Variants in EXOC6B observed in about 807,000 individuals in gnomAD.
EXOC6B encodes the protein SEC15 homolog B.
Under a neutral mutation model 113.5 loss-of-function variants are expected in EXOC6B, and 54 were observed. The ratio of observed to expected loss-of-function variants is 0.48; its 90% confidence interval spans 0.38 to 0.60. The LOEUF (loss-of-function observed/expected upper bound fraction) is 0.60. EXOC6B is among the 20% of genes least tolerant of loss of function. The pLI is 0.00. For synonymous variants in EXOC6B, 357 were observed against 339.0 expected, an observed-to-expected ratio of 1.05 and a Z score of -0.58; for missense variants, 797 against 977.5, an observed-to-expected ratio of 0.82 and a Z score of 2.46.
At chr2:72,406,899 A>G (rs1216933551) in intron 18 of EXOC6B, among the ~76,000 whole-genome samples, 1 of 152,236 alleles carries the variant, frequency 6.6e-6, no homozygotes, top group Admixed American at 6.5e-5. Flanking sequence ...CCCTTCAAAA[A>G]ATCAATGAAT....
chr2:72,488,869 C>T (rs1699578517), intron 16 of EXOC6B, among the ~76,000 whole-genome samples: 1 of 152,146 alleles, frequency 6.6e-6, no homozygotes, highest in South Asian at 2.1e-4. Flanking sequence ...CAAAATCCTA[C>T]AATAGCTCCC....
intron 8 of EXOC6B, among the ~76,000 whole-genome samples, chr2:72,534,005 C>T (rs1279821181): frequency 6.6e-6 from 1 of 152,070 alleles, no homozygotes; most frequent in African/African-American, 2.4e-5. Context: ...AACCTCAATT[C>T]CCTAAACCAT....
intron 20 of EXOC6B, among the ~76,000 whole-genome samples, chr2:72,272,264 A>C (rs1684538999): frequency 6.6e-6 from 1 of 152,150 alleles, no homozygotes; most frequent in African/African-American, 2.4e-5. Flanking sequence ...TCTAATTTGC[A>C]AAGATGTATT....
At chr2:72,623,291 C>A (rs1671857548) in intron 6 of EXOC6B, among the ~76,000 whole-genome samples, 1 of 152,130 alleles carries the variant, frequency 6.6e-6, no homozygotes, top group Non-Finnish European at 1.5e-5. Flanking sequence ...CATATCTATA[C>A]CTCTAACCTA....
At chr2:72,625,462 G>T (rs1446895) in intron 6 of EXOC6B, among the ~76,000 whole-genome samples, 24 of 152,154 alleles carry the variant, frequency 1.6e-4, no homozygotes, top group African/African-American at 5.3e-4. Context: ...ACACAAAATT[G>T]ATTGCCAGAC....
intron 6 of EXOC6B, among the ~76,000 whole-genome samples, chr2:72,581,275 A>T (rs1705204952): frequency 6.6e-6 from 1 of 152,208 alleles, no homozygotes; most frequent in Non-Finnish European, 1.5e-5. Context: ...TCTGGACTAC[A>T]TCTTTCTTTG....
chr2:72,442,557 A>T (rs1230566951), intron 18 of EXOC6B, among the ~76,000 whole-genome samples: 4 of 152,192 alleles, frequency 2.6e-5, no homozygotes, highest in African/African-American at 9.7e-5. Context: ...AGGATACAAA[A>T]TCAATGTATA....
At chr2:72,206,678 G>A (rs1333882322) in intron 20 of EXOC6B, among the ~76,000 whole-genome samples, 5 of 152,104 alleles carry the variant, frequency 3.3e-5, no homozygotes, top group Non-Finnish European at 7.4e-5. Flanking sequence ...TCAACATACT[G>A]TGACTAAACT....
chr2:72,204,452 G>A (rs1372675270), intron 20 of EXOC6B, among the ~76,000 whole-genome samples: 1 of 151,996 alleles, frequency 6.6e-6, no homozygotes, highest in Non-Finnish European at 1.5e-5. Context: ...ACTGTTTACA[G>A]TTGGCCAGGC....
chr2:72,568,296 A>T (rs1390307469), intron 7 of EXOC6B, among the ~76,000 whole-genome samples: 1 of 152,010 alleles, frequency 6.6e-6, no homozygotes, highest in African/African-American at 2.4e-5. Flanking sequence ...GAAGGAAAAA[A>T]ATCTGCTAGA....
At position 72,379,736 on chromosome 2, in the gene EXOC6B, T is replaced by C; in HGVS notation, c.2115A>G (p.Glu705=). The C allele has an allele frequency of 6.2e-7, 1 of 1,610,748 alleles. No homozygotes were observed. The change falls in exon 19 of 22, where the codon GAA becomes GAG. Residue 705 remains glutamate, a synonymous_variant. Coordinates refer to ENST00000272427, the MANE Select transcript of EXOC6B (RefSeq NM_015189.3). ...ALQQFNLDVR[E]CEQFARSGPV... is the part of the protein sequence containing the mutation. ...GGATGGTCACTGTCTTACGTTCACATTCTCTGACGTCCAAGTTGAACTGCT... is the reference window on the plus strand; with the variant it reads ...GGATGGTCACTGTCTTACGTTCACACTCTCTGACGTCCAAGTTGAACTGCT...
At chr2:72,524,572 TA>T (rs201268505) in intron 8 of EXOC6B, among the ~76,000 whole-genome samples, 1,864 of 152,194 alleles carry the variant, frequency 0.012, 38 homozygotes, top group African/African-American at 0.041. Flanking sequence ...AATAAAAGTT[TA>T]AAAAAACTTA....
At chr2:72,311,966 C>A (rs1437149142) in intron 20 of EXOC6B, among the ~76,000 whole-genome samples, 1 of 152,184 alleles carries the variant, frequency 6.6e-6, no homozygotes, top group Non-Finnish European at 1.5e-5. Flanking sequence ...TATTAAAGCT[C>A]TTTTGCCAAG....
intron 1 of EXOC6B, among the ~76,000 whole-genome samples, chr2:72,768,551 C>T (rs976596748): frequency 5.3e-5 from 8 of 151,658 alleles, no homozygotes; most frequent in African/African-American, 1.7e-4. Context: ...GTGATCCCCC[C>T]GCCTTGGCCT....
intron 18 of EXOC6B, among the ~76,000 whole-genome samples, chr2:72,386,381 A>G (rs1359912040): frequency 6.6e-6 from 1 of 152,184 alleles, no homozygotes; most frequent in Non-Finnish European, 1.5e-5. Flanking sequence ...CTGCATAACT[A>G]AAAGGAAGGT....
At chr2:72,664,303 C>A (rs1675231328) in intron 6 of EXOC6B, among the ~76,000 whole-genome samples, 1 of 151,992 alleles carries the variant, frequency 6.6e-6, no homozygotes, top group Non-Finnish European at 1.5e-5. Flanking sequence ...AGTAGAGAGG[C>A]AATGAAGACA....
At chr2:72,460,123 T>C (rs1471263519) in intron 18 of EXOC6B, among the ~76,000 whole-genome samples, 1 of 152,044 alleles carries the variant, frequency 6.6e-6, no homozygotes, top group Non-Finnish European at 1.5e-5. Context: ...CCCTATTTAA[T>C]AAATGGTGTT....
intron 18 of EXOC6B, among the ~76,000 whole-genome samples, chr2:72,408,464 C>A (rs1693937105): frequency 6.6e-6 from 1 of 152,048 alleles, no homozygotes; most frequent in Non-Finnish European, 1.5e-5. Context: ...GACTTCAAAC[C>A]ATACTACAAG....
At chr2:72,471,746 T>C (rs918534621) in intron 17 of EXOC6B, among the ~76,000 whole-genome samples, 10 of 152,174 alleles carry the variant, frequency 6.6e-5, no homozygotes, top group Non-Finnish European at 4.4e-5. Context: ...CTATGTTTAA[T>C]AGGAGTAGTG....
Sources: allele counts gnomAD v4.1 joint callset (sites outside exome capture counted in the v4.1 genomes callset), GRCh38; gene constraint gnomAD v4.1.1; transcripts MANE v1.5; gene names NCBI Gene and HGNC (gene_info 2026-07-23, HGNC 2026-07-21).